The following CAMK4 variants were observed in gnomAD, a reference collection of about 807,000 sequenced individuals.
CAMK4 encodes calcium/calmodulin dependent protein kinase IV.
A neutral mutation model predicts 44.9 loss-of-function variants in CAMK4; 22 were observed. The observed-to-expected ratio is 0.49, with a 90% CI of 0.35 to 0.70. The LOEUF is 0.70. Ranked by LOEUF, CAMK4 falls within the 30% of genes least tolerant of loss-of-function variation. The pLI, the probability that CAMK4 is intolerant of heterozygous loss-of-function variation, is 0.01. For missense variants in CAMK4, 498 were observed against 586.8 expected, an observed-to-expected ratio of 0.85 and a Z score of 1.56; for synonymous variants, 218 against 215.4, an observed-to-expected ratio of 1.01 and a Z score of -0.11.
At chr5:111,401,187 G>A (rs1752211211) in intron 5 of CAMK4, among the ~76,000 whole-genome samples, 2 of 152,114 alleles carry the variant, frequency 1.3e-5, no homozygotes, top group Non-Finnish European at 2.9e-5. Flanking sequence ...CGCCCAGGCT[G>A]GAGTGCAGTG....
intron 4 of CAMK4, among the ~76,000 whole-genome samples, chr5:111,392,303 G>A (rs751101918): frequency 1.3e-5 from 2 of 152,116 alleles, no homozygotes; most frequent in Non-Finnish European, 2.9e-5. Flanking sequence ...GGGAGAGAGA[G>A]AGAGCACAAA....
chr5:111,416,369 A>G (rs1296149889), intron 5 of CAMK4: 1 of 152,194 alleles, frequency 6.6e-6, no homozygotes, highest in East Asian at 1.9e-4. Context: ...AGAATCTTCC[A>G]CATCTCTATA....
chr5:111,435,328 ACT>A (rs1329249129), intron 5 of CAMK4, among the ~76,000 whole-genome samples: 1 of 151,344 alleles, frequency 6.6e-6, no homozygotes, highest in Non-Finnish European at 1.5e-5. Context: ...GCATCCCAAA[ACT>A]CTTTTCTTTC....
chr5:111,436,063 A>G (rs185448022), intron 5 of CAMK4, among the ~76,000 whole-genome samples: 158 of 152,282 alleles, frequency 1.0e-3, no homozygotes, highest in Non-Finnish European at 1.1e-3. Flanking sequence ...TTTGCATAAT[A>G]TCTAATTAAA....
In CAMK4 at chr5:111,479,020, G is replaced by A. The variant is rs538866351; in HGVS notation, c.828+513G>A. ...CATCTCCTGAGTAGCTGGGACACAG[G>A]TGCATGCCACCACACCCAGCTAATT... On this transcript the variant is annotated intron_variant, in intron 9 of 10. Coordinates refer to ENST00000282356, the MANE Select transcript of CAMK4 (RefSeq NM_001744.6). 1.4e-3 allele frequency among the ~76,000 whole-genome samples: 215 copies of A among 152,232 alleles called. 1 individual carries two copies. Among genetic ancestry groups the A allele is most frequent in the African/African-American group, 5.0e-3 (207 of 41,532 alleles).
chr5:111,478,427 A>G lies in CAMK4; in HGVS notation c.748A>G (p.Met250Val), dbSNP rs1177694821. ...CTATGATGAAAGAGGCGATCAGTTC[A>G]TGTTCAGGAGAATTCTGAATTGTGA... ...PFYDERGDQF[M>V]FRRILNCEYY... The change falls in exon 9 of 11, where the codon ATG becomes GTG. Residue 250 changes from methionine (M) to valine (V), a missense_variant. Met to Val is a conservative substitution (Grantham distance 21). Coordinates refer to ENST00000282356, the MANE Select transcript of CAMK4 (RefSeq NM_001744.6). 1 of 1,577,310 alleles carries G rather than the reference A, an allele frequency of 6.3e-7. No individual in the cohort carries two copies.
intron 4 of CAMK4, 122 bp downstream of exon 4, chr5:111,377,064 C>A: frequency 3.4e-6 from 2 of 589,078 alleles, no homozygotes; most frequent in Non-Finnish European, 6.0e-6. Context: ...ATAAATACTA[C>A]TAAAAAAAGT....
chr5:111,460,650 T>G (rs1179135853), intron 7 of CAMK4, among the ~76,000 whole-genome samples: 1 of 152,220 alleles, frequency 6.6e-6, no homozygotes, highest in East Asian at 1.9e-4. Context: ...TTTATTTATT[T>G]TATCCTACTT....
intron 1 of CAMK4, among the ~76,000 whole-genome samples, chr5:111,242,441 G>A (rs762136898): frequency 2.0e-4 from 30 of 151,958 alleles, no homozygotes; most frequent in Non-Finnish European, 3.1e-4. Context: ...CTTTAAATCC[G>A]TTCCCTCCTC....
At position 111,416,062 on chromosome 5, in the gene CAMK4, T is replaced by A. The variant is rs76243578; in HGVS notation, c.459+21280T>A. ...TCAGGGATACTGAGAGAAGACTGCA[T>A]AAAGGCATCTACATGAATAGAGAGA... On this transcript the variant is annotated intron_variant, in intron 5 of 10. Coordinates refer to ENST00000282356, the MANE Select transcript of CAMK4 (RefSeq NM_001744.6). Among the ~76,000 whole-genome samples the A allele has an allele frequency of 3.9e-3, 597 of 152,244 alleles. 6 individuals carry two copies. Among genetic ancestry groups the A allele is most frequent in the African/African-American group, 0.014 (568 of 41,540 alleles).
intron 1 of CAMK4, among the ~76,000 whole-genome samples, chr5:111,234,144 A>T (rs1162912521): frequency 1.6e-4 from 24 of 152,266 alleles, no homozygotes; most frequent in Admixed American, 1.6e-3. Context: ...AATGGTAGTC[A>T]TAAGTGGATA....
At chr5:111,250,625 T>G (rs1008914902) in intron 1 of CAMK4, among the ~76,000 whole-genome samples, 1 of 152,212 alleles carries the variant, frequency 6.6e-6, no homozygotes, top group African/African-American at 2.4e-5. Flanking sequence ...TTTTTCTTTC[T>G]CATATCTGCT....
intron 1 of CAMK4, among the ~76,000 whole-genome samples, chr5:111,336,431 A>T (rs1054479651): frequency 3.3e-5 from 5 of 151,234 alleles, no homozygotes; most frequent in Middle Eastern, 3.4e-3. Context: ...TTCTAAAATT[A>T]TATTTACACA....
intron 1 of CAMK4, among the ~76,000 whole-genome samples, chr5:111,288,424 C>T (rs1488364354): frequency 6.6e-6 from 1 of 152,052 alleles, no homozygotes; most frequent in African/African-American, 2.4e-5. Flanking sequence ...ACAGTACCAC[C>T]AATAGTGTAT....
intron 5 of CAMK4, among the ~76,000 whole-genome samples, chr5:111,432,648 G>GTA (rs1561485077): frequency 4.7e-5 from 6 of 126,606 alleles, no homozygotes; most frequent in Non-Finnish European, 3.3e-5. Context: ...ATATATATAT[G>GTA]TATATATGTG....
chr5:111,436,465 G>A (rs1173540486), intron 5 of CAMK4, among the ~76,000 whole-genome samples: 8 of 152,188 alleles, frequency 5.3e-5, no homozygotes, highest in African/African-American at 1.7e-4. Context: ...CCAGCATCCT[G>A]TTCTTTTCCC....
chr5:111,256,413 TACAC>T (rs1009595276), intron 1 of CAMK4, among the ~76,000 whole-genome samples: 2 of 152,116 alleles, frequency 1.3e-5, no homozygotes, highest in Non-Finnish European at 2.9e-5. Flanking sequence ...GGCATAGAGT[TACAC>T]ACACACATTG....
At chr5:111,331,341 A>C (rs1007147563) in intron 1 of CAMK4, among the ~76,000 whole-genome samples, 13 of 151,758 alleles carry the variant, frequency 8.6e-5, no homozygotes, top group Admixed American at 3.3e-4. Flanking sequence ...AAAGTACTCA[A>C]CATCATTATT....
intron 4 of CAMK4, among the ~76,000 whole-genome samples, chr5:111,387,070 A>C (rs907678460): frequency 2.0e-5 from 3 of 152,242 alleles, no homozygotes; most frequent in Non-Finnish European, 2.9e-5. Flanking sequence ...TAGCATCTTA[A>C]CTGCTTCCTT....
Sources: gnomAD v4.1 joint callset for allele counts (sites outside exome capture counted in the v4.1 genomes callset) on GRCh38, gnomAD v4.1.1 for gene constraint, MANE v1.5 for transcripts, NCBI Gene and HGNC (gene_info 2026-07-23, HGNC 2026-07-21) for gene names.